The following NAA35 variants were observed in gnomAD, a reference collection of about 807,000 sequenced individuals.
NAA35 encodes MAK10 homolog, amino-acid N-acetyltransferase subunit.
Under a neutral mutation model 101.7 loss-of-function variants are expected in NAA35, and 18 were observed. That is an observed-to-expected ratio of 0.18 (90% CI 0.12 to 0.26). The LOEUF (loss-of-function observed/expected upper bound fraction) is 0.26. Among genes scored for constraint, NAA35 ranks in the 10% least tolerant of loss-of-function variants. The probability of loss-of-function intolerance (pLI) is 1.00; values close to 1 mark genes in which losing one functional copy is unlikely to be tolerated. For synonymous variants in NAA35, 267 were observed against 273.1 expected (o/e 0.98, Z 0.22); for missense variants, 601 against 886.8 (o/e 0.68, Z 4.09).
At chr9:85,998,063 C>T (rs1217385447) in intron 12 of NAA35, among the ~76,000 whole-genome samples, 24 of 152,022 alleles carry the variant, frequency 1.6e-4, no homozygotes, top group Admixed American at 1.0e-3. Context: ...TACAGGCGTC[C>T]GCCACCACGC....
intron 6 of NAA35, among the ~76,000 whole-genome samples, chr9:85,965,849 G>A (rs892976542): frequency 2.0e-5 from 3 of 152,090 alleles, no homozygotes; most frequent in African/African-American, 4.8e-5. Flanking sequence ...AAGGGCTGGG[G>A]TATACACTTG....
chr9:86,002,665 T>C (rs1433209165), intron 12 of NAA35, among the ~76,000 whole-genome samples: 1 of 152,202 alleles, frequency 6.6e-6, no homozygotes, highest in African/African-American at 2.4e-5. Context: ...ATACTTGTGA[T>C]TGCATAGTGA....
At chr9:85,952,721 G>A (rs1829076309) in intron 2 of NAA35, among the ~76,000 whole-genome samples, 1 of 152,082 alleles carries the variant, frequency 6.6e-6, no homozygotes, top group African/African-American at 2.4e-5. Flanking sequence ...ATCAGGGCTG[G>A]TACTAGGGTG....
intron 11 of NAA35, among the ~76,000 whole-genome samples, chr9:85,991,960 G>T (rs1045310212): frequency 6.6e-6 from 1 of 152,034 alleles, no homozygotes; most frequent in African/African-American, 2.4e-5. Flanking sequence ...GGATCACGAG[G>T]TCAGGAGATC....
chr9:85,980,661 T>G (rs1830401801), intron 11 of NAA35, among the ~76,000 whole-genome samples: 1 of 152,220 alleles, frequency 6.6e-6, no homozygotes, highest in Non-Finnish European at 1.5e-5. Context: ...TCTTCTTGTG[T>G]ATTGCCATGC....
chr9:86,007,652 T>C (rs1437635357), intron 14 of NAA35, among the ~76,000 whole-genome samples, 188 bp downstream of exon 14: 5 of 152,184 alleles, frequency 3.3e-5, no homozygotes, highest in Non-Finnish European at 7.3e-5. Context: ...TTTTATGAGG[T>C]TGACAAAATT....
At chr9:85,969,721 A>G (rs946246030) in intron 6 of NAA35, among the ~76,000 whole-genome samples, 2 of 152,168 alleles carry the variant, frequency 1.3e-5, no homozygotes, top group African/African-American at 4.8e-5. Context: ...TTAGCCAGGC[A>G]TGGTGATGTG....
At chr9:85,977,578 T>A in intron 10 of NAA35, 132 bp downstream of exon 10, 1 of 624,556 alleles carries the variant, frequency 1.6e-6, no homozygotes, top group Non-Finnish European at 2.9e-6. Flanking sequence ...ATTTGGTATA[T>A]TTATACCAGT....
chr9:85,967,237 T>A (rs1288487011), intron 6 of NAA35, among the ~76,000 whole-genome samples: 5 of 152,164 alleles, frequency 3.3e-5, no homozygotes, highest in East Asian at 1.9e-4. Flanking sequence ...TTACACATAA[T>A]TTATTATGTA....
At chr9:85,979,625 A>G (rs1035152621) in intron 11 of NAA35, among the ~76,000 whole-genome samples, 4 of 152,218 alleles carry the variant, frequency 2.6e-5, no homozygotes, top group Admixed American at 6.5e-5. Flanking sequence ...AAGTCTTTGA[A>G]GAGGAACTTC....
In NAA35 at chr9:85,959,866, T is replaced by C. The variant is rs41283649; in HGVS notation, c.347T>C (p.Leu116Ser). 1.9e-6 allele frequency: 3 copies of C among 1,604,900 alleles called. No homozygotes were observed. Among genetic ancestry groups the C allele is most frequent in the Non-Finnish European group, 2.6e-6 (3 of 1,174,710 alleles). ...ATTATGGATACATGTTTTTGCTGTT[T>C]GGTAAGAATGGAAATAAGACTATTG... ...IGIMDTCFCC[L>S]ITWLEGHSLA... Residue 116 changes from leucine (L) to serine (S), a missense_variant and splice_region_variant, in exon 5 of 23, where the codon TTG (leucine) becomes TCG (serine). This residue lies in a region of NAA35 where 86 missense variants were observed against 169.4 expected (regional missense o/e 0.51). Transcript: ENST00000361671.
At position 85,967,943 on chromosome 9, in the gene NAA35, A is replaced by G. The variant is rs578071289; in HGVS notation, c.516+5763A>G. 1.6e-4 allele frequency among the ~76,000 whole-genome samples: 25 copies of G among 152,272 alleles called. No individual in the cohort carries two copies. In the South Asian group the frequency reaches 2.9e-3, roughly 18 times the overall value. The stretch of plus-strand genomic sequence containing the variant: ...ATTTCTTTCTTAACATCTTGCTCAC[A>G]TGCCCAAAATAGGAACCCTATCAAA... On this transcript the variant is annotated intron_variant, in intron 6 of 22. Coordinates refer to ENST00000361671, the MANE Select transcript of NAA35 (RefSeq NM_024635.4).
In NAA35 at chr9:86,018,323, T is replaced by A; in HGVS notation, c.1842T>A (p.Val614=). 2.5e-6 allele frequency: 4 copies of A among 1,614,070 alleles called. No homozygotes were observed. Among genetic ancestry groups the A allele is most frequent in the Non-Finnish European group, 3.4e-6 (4 of 1,179,962 alleles). ...AGTTTGAGCTTGATAGTGAACAAGT[T>A]CGGTATGAACACAGGTTTGCTCCAT... ...KPKFELDSEQ[V]RYEHRFAPFN... Residue 614 remains valine, a synonymous_variant, in exon 20 of 23, where the codon GTT becomes GTA. Coordinates refer to ENST00000361671, the MANE Select transcript of NAA35 (RefSeq NM_024635.4).
chr9:86,018,855 A>T (rs761623642), intron 21 of NAA35, 34 bp downstream of exon 21: 3 of 1,605,276 alleles, frequency 1.9e-6, no homozygotes, highest in Non-Finnish European at 2.5e-6. Flanking sequence ...CTAGGGGAAA[A>T]GCGTGGCAGG....
intron 6 of NAA35, among the ~76,000 whole-genome samples, chr9:85,971,877 G>A (rs1266670415): frequency 6.8e-6 from 1 of 146,138 alleles, no homozygotes; most frequent in African/African-American, 2.6e-5. Context: ...TCTCCCCACT[G>A]TTGCAATCCC....
intron 11 of NAA35, among the ~76,000 whole-genome samples, chr9:85,993,897 G>A (rs191930712): frequency 3.9e-5 from 6 of 151,910 alleles, no homozygotes; most frequent in African/African-American, 9.7e-5. Context: ...CAGCCTCATC[G>A]TCCTGTACTC....
intron 6 of NAA35, among the ~76,000 whole-genome samples, chr9:85,967,251 T>C (rs1829786401): frequency 2.0e-5 from 3 of 152,144 alleles, no homozygotes; most frequent in Admixed American, 2.0e-4. Flanking sequence ...TTATGTATAT[T>C]GAGTATGTAG....
Position 85,996,478 on chromosome 9 carries a change from A to C in NAA35, c.957A>C (p.Ile319=), listed in dbSNP as rs987061308. 2.5e-6 allele frequency: 4 copies of C among 1,609,654 alleles called. No individual in the cohort carries two copies. Among genetic ancestry groups the C allele is most frequent in the Admixed American group, 1.7e-5 (1 of 59,144 alleles). ...CTACCTTCCCTCGATATGCAAAAAT[A>C]ATTAAAAGGGAAGAAATGGTGAACT... ...LPPTFPRYAK[I]IKREEMVNYF... Residue 319 remains isoleucine, a synonymous_variant, in exon 12 of 23, where the codon ATA becomes ATC. Transcript: ENST00000361671.
At chr9:85,949,594 C>T (rs1475114789) in intron 2 of NAA35, among the ~76,000 whole-genome samples, 4 of 151,918 alleles carry the variant, frequency 2.6e-5, no homozygotes, top group Non-Finnish European at 4.4e-5. Context: ...TGCCTGGCCC[C>T]TTTCTTTCCT....
Sources: allele counts gnomAD v4.1 joint callset (sites outside exome capture counted in the v4.1 genomes callset), GRCh38; gene constraint gnomAD v4.1.1; regional missense constraint gnomAD v4.1.1; transcripts MANE v1.5; gene names NCBI Gene and HGNC (gene_info 2026-07-23, HGNC 2026-07-21).